The following AGBL4 variants were observed in gnomAD, a reference collection of about 807,000 sequenced individuals.
The protein encoded by AGBL4 is cytosolic carboxypeptidase 6.
In AGBL4, 58 loss-of-function variants were observed where a neutral mutation model predicts 66.4. That is an observed-to-expected ratio of 0.87 (90% confidence interval 0.71 to 1.09). The LOEUF is 1.09. Ranked by LOEUF, AGBL4 falls within the 50% of genes least tolerant of loss-of-function variation. The pLI is 0.00. For synonymous variants in AGBL4, 234 were observed against 222.9 expected (o/e 1.05, Z -0.44); for missense variants, 579 against 631.0 (o/e 0.92, Z 0.88).
intron 2 of AGBL4, among the ~76,000 whole-genome samples, chr1:49,805,168 T>A (rs1363393817): frequency 6.6e-6 from 1 of 152,114 alleles, no homozygotes; most frequent in African/African-American, 2.4e-5. Context: ...ACAAGGGAGT[T>A]TCGTATGTAT....
intron 2 of AGBL4, among the ~76,000 whole-genome samples, chr1:49,740,400 C>T (rs975753471): frequency 3.3e-5 from 5 of 152,142 alleles, no homozygotes; most frequent in Non-Finnish European, 7.4e-5. Context: ...ATTCATAAAG[C>T]AAGTCCTTAG....
chr1:49,672,117 A>C (rs1325734215), intron 3 of AGBL4, among the ~76,000 whole-genome samples: 1 of 152,188 alleles, frequency 6.6e-6, no homozygotes, highest in African/African-American at 2.4e-5. Context: ...TGGATAATAA[A>C]ATGTGGTACA....
chr1:48,697,366 G>A (rs1646728663), intron 6 of AGBL4, among the ~76,000 whole-genome samples: 1 of 152,110 alleles, frequency 6.6e-6, no homozygotes, highest in African/African-American at 2.4e-5. Flanking sequence ...AGGAAGGGAT[G>A]TTTATGGAGC....
chr1:48,794,385 C>T (rs1312838743), intron 6 of AGBL4, among the ~76,000 whole-genome samples: 5 of 152,172 alleles, frequency 3.3e-5, no homozygotes, highest in Non-Finnish European at 5.9e-5. Context: ...AAAACCCTCA[C>T]TCATCCCTGC....
At chr1:49,724,197 T>G (rs1648834119) in intron 2 of AGBL4, among the ~76,000 whole-genome samples, 1 of 152,122 alleles carries the variant, frequency 6.6e-6, no homozygotes, top group Non-Finnish European at 1.5e-5. Flanking sequence ...CCCCAAACAG[T>G]GTAGGGCACT....
intron 5 of AGBL4, among the ~76,000 whole-genome samples, chr1:48,897,162 T>C (rs1017009852): frequency 1.3e-5 from 2 of 152,164 alleles, no homozygotes; most frequent in Non-Finnish European, 2.9e-5. Context: ...TTCTGGCCTC[T>C]GGTAACCACC....
intron 2 of AGBL4, among the ~76,000 whole-genome samples, chr1:49,838,743 G>A (rs1453183245): frequency 6.6e-6 from 1 of 152,054 alleles, no homozygotes; most frequent in Non-Finnish European, 1.5e-5. Flanking sequence ...AATTTTAACT[G>A]AAAATTATCA....
At chr1:49,150,822 C>T (rs1646313062) in intron 4 of AGBL4, among the ~76,000 whole-genome samples, 1 of 152,158 alleles carries the variant, frequency 6.6e-6, no homozygotes, top group Non-Finnish European at 1.5e-5. Flanking sequence ...TATCACTCTA[C>T]ATGTAACTGA....
intron 3 of AGBL4, among the ~76,000 whole-genome samples, chr1:49,411,846 G>A (rs991925306): frequency 6.6e-6 from 1 of 152,160 alleles, no homozygotes; most frequent in Admixed American, 6.5e-5. Context: ...GAACACATTG[G>A]AAATAGAGAT....
At chr1:49,094,544 A>G (rs1645058476) in intron 4 of AGBL4, among the ~76,000 whole-genome samples, 1 of 152,096 alleles carries the variant, frequency 6.6e-6, no homozygotes, top group Admixed American at 6.6e-5. Context: ...AGCCCACTTG[A>G]TCATGGTGGA....
At chr1:49,484,183 G>A (rs1056915113) in intron 3 of AGBL4, among the ~76,000 whole-genome samples, 6 of 151,640 alleles carry the variant, frequency 4.0e-5, no homozygotes, top group African/African-American at 1.2e-4. Flanking sequence ...GAGAAAAAAC[G>A]GTTTGGAAGT....
chr1:49,154,261 T>G (rs1330337953), intron 4 of AGBL4, among the ~76,000 whole-genome samples: 1 of 152,046 alleles, frequency 6.6e-6, no homozygotes, highest in Non-Finnish European at 1.5e-5. Flanking sequence ...TTGGTCTCAG[T>G]GTCTTCTCCT....
intron 3 of AGBL4, among the ~76,000 whole-genome samples, chr1:49,517,685 C>G (rs1016445958): frequency 6.6e-6 from 1 of 151,860 alleles, no homozygotes; most frequent in African/African-American, 2.4e-5. Flanking sequence ...GATGAAAAGT[C>G]CACATAGAGT....
chr1:48,883,070 T>C (rs953543721), intron 5 of AGBL4, among the ~76,000 whole-genome samples: 8 of 152,238 alleles, frequency 5.3e-5, no homozygotes, highest in Non-Finnish European at 1.2e-4. Flanking sequence ...AATGCTGCAA[T>C]AAATATGAAA....
intron 13 of AGBL4, among the ~76,000 whole-genome samples, chr1:48,534,568 T>C (rs1643938832): frequency 1.3e-5 from 2 of 152,208 alleles, no homozygotes; most frequent in Non-Finnish European, 2.9e-5. Flanking sequence ...GTCATAAATA[T>C]GAGAATCTCT....
At chr1:48,638,132 C>T (rs319989) in intron 8 of AGBL4, among the ~76,000 whole-genome samples, 105,602 of 152,098 alleles carry the variant, frequency 0.69, 37,399 homozygotes, top group African/African-American at 0.8. Context: ...TAAAACTCAC[C>T]ACCTTTCCAG....
intron 6 of AGBL4, among the ~76,000 whole-genome samples, chr1:48,698,858 C>T (rs992048424): frequency 5.3e-5 from 8 of 152,156 alleles, no homozygotes; most frequent in Non-Finnish European, 1.0e-4. Flanking sequence ...TAACTGGTCA[C>T]AGAGCAAAAA....
chr1:50,005,179 T>C lies in AGBL4; in HGVS notation c.34+18584A>G, dbSNP rs138221991. On this transcript the variant is annotated intron_variant, in intron 1 of 13. Coordinates refer to ENST00000371839, the MANE Select transcript of AGBL4 (RefSeq NM_032785.4). ...GCCAGGTAGTGGTTATCGCAGGCCTTTGGTGAGACCCAGGGATATGATGGC... is the reference window on the plus strand; with the variant it reads ...GCCAGGTAGTGGTTATCGCAGGCCTCTGGTGAGACCCAGGGATATGATGGC... 3.5e-4 allele frequency among the ~76,000 whole-genome samples: 54 copies of C among 152,178 alleles called. 1 individual carries two copies. In the East Asian group the frequency reaches 9.7e-3, roughly 27 times the overall value.
At chr1:49,049,821 T>C (rs573291334) in intron 4 of AGBL4, among the ~76,000 whole-genome samples, 2 of 152,012 alleles carry the variant, frequency 1.3e-5, no homozygotes, top group South Asian at 4.2e-4. Flanking sequence ...GTCTATGATA[T>C]CCATGGAAAA....
Sources: allele counts gnomAD v4.1 joint callset (sites outside exome capture counted in the v4.1 genomes callset), GRCh38; gene constraint gnomAD v4.1.1; transcripts MANE v1.5; gene names NCBI Gene and HGNC (gene_info 2026-07-23, HGNC 2026-07-21).